The following NSD1 variants were observed in gnomAD, a reference collection of about 807,000 sequenced individuals.
NSD1 encodes histone-lysine N-methyltransferase, H3 lysine-36 specific.
NSD1 carries 26 observed loss-of-function variants against 242.7 expected under a neutral mutation model. That is an observed-to-expected ratio of 0.11 (90% confidence interval 0.08 to 0.15). NSD1 has a LOEUF of 0.15. Among genes scored for constraint, NSD1 ranks in the 10% least tolerant of loss-of-function variants. NSD1 has a pLI of 1.00. For synonymous variants in NSD1, 1,106 were observed against 1,178.1 expected (o/e 0.94, Z 1.25); for missense variants, 2,495 against 3,272.8 (o/e 0.76, Z 5.80).
rs999436181 is a variant in NSD1 at position 177,299,964 on chromosome 5, G to C, written c.*4505G>C. 4.3e-6 allele frequency: 1 copy of C among 232,820 alleles called. No individual in the cohort carries two copies. Among genetic ancestry groups the C allele is most frequent in the East Asian group, 6.0e-5 (1 of 16,544 alleles). The allele number at this position is 232,820 out of a possible 1,614,324, so 14.4% of individuals were successfully genotyped here. Reference sequence around the variant, plus strand: ...ATGGCAGAGCCGCCTCCTAGGTCTTGGCAAAGAGGCAAGCTGACGATAGAC... The same window carrying C: ...ATGGCAGAGCCGCCTCCTAGGTCTTCGCAAAGAGGCAAGCTGACGATAGAC... On this transcript the variant is annotated 3_prime_UTR_variant, in exon 23 of 23. Coordinates refer to ENST00000439151, the MANE Select transcript of NSD1 (RefSeq NM_022455.5).
In NSD1 at chr5:177,210,508, C is replaced by T. The variant is rs530303475; in HGVS notation, c.2109C>T (p.Leu703=). ...GGGTAAAAGCAAAACAGAAGCCTCT[C>T]ATTAGTAACTCACATACAGACCACT... ...NTRVKAKQKP[L]ISNSHTDHLM... is the part of the protein sequence containing the mutation. Residue 703 remains leucine (L), a synonymous_variant, in exon 5 of 23, where the codon CTC becomes CTT. Transcript: ENST00000439151. 2 of 1,614,180 alleles carry T rather than the reference C, an allele frequency of 1.2e-6. No homozygotes were observed. The highest frequency in any genetic ancestry group is 1.7e-6 in the Non-Finnish European group (2 of 1,180,026).
At chr5:177,292,654 C>A (rs905123292) in intron 22 of NSD1, among the ~76,000 whole-genome samples, 2 of 152,230 alleles carry the variant, frequency 1.3e-5, no homozygotes, top group African/African-American at 4.8e-5. Flanking sequence ...TGCTCCCCTA[C>A]GCCTAGTGCA....
At position 177,300,057 on chromosome 5, in the gene NSD1, G is replaced by GCCCCCCCCC. The variant is rs60995782; in HGVS notation, c.*4603_*4611dup. 1.2e-4 allele frequency: 15 copies of GCCCCCCCCC among 129,928 alleles called. No individual in the cohort carries two copies. The highest frequency in any genetic ancestry group is 1.6e-4 in the Non-Finnish European group (11 of 70,616). 8.0% of individuals were successfully genotyped at this position (129,928 alleles called of 1,614,324 possible). On this transcript the variant is annotated 3_prime_UTR_variant, in exon 23 of 23. Transcript: ENST00000439151. ...AGGTCCATCATTGCTTTTTTGCCGC[G>GCCCCCCCCC]CCCCCCCCCCCCCGCCCCCATAGAT... is the stretch of plus-strand genomic sequence containing the variant.
At position 177,257,093 on chromosome 5, in the gene NSD1, C is replaced by G; in HGVS notation, c.4908C>G (p.Ser1636=). The change falls in exon 13 of 23, where the codon TCC becomes TCG. Residue 1636 remains serine (S), a synonymous_variant. Coordinates refer to ENST00000439151, the MANE Select transcript of NSD1 (RefSeq NM_022455.5). ...TGCAGAACAAGGGCTTCCGGTGCTC[C>G]CTCCACATCTGTATAACCTGTCATG... is the stretch of plus-strand genomic sequence containing the variant. ...TVMQNKGFRC[S]LHICITCHAA... is the part of the protein sequence containing the mutation. The G allele has an allele frequency of 6.2e-7, 1 of 1,614,096 alleles. No individual in the cohort carries two copies. Among genetic ancestry groups the G allele is most frequent in the Non-Finnish European group, 8.5e-7 (1 of 1,179,996 alleles).
At chr5:177,278,885 A>G (rs1758614063) in intron 17 of NSD1, among the ~76,000 whole-genome samples, 1 of 152,130 alleles carries the variant, frequency 6.6e-6, no homozygotes, top group Admixed American at 6.6e-5. Flanking sequence ...TGGAACATCT[A>G]TTGTCTTTCC....
In NSD1 at chr5:177,238,070, C is replaced by G. The variant is rs951536501; in HGVS notation, c.3922-167C>G. 4.0e-5 allele frequency among the ~76,000 whole-genome samples: 6 copies of G among 151,478 alleles called. No individual in the cohort carries two copies. The highest frequency in any genetic ancestry group is 8.9e-5 in the Non-Finnish European group (6 of 67,788). On this transcript the variant is annotated intron_variant, in intron 6 of 22. Coordinates refer to ENST00000439151, the MANE Select transcript of NSD1 (RefSeq NM_022455.5). This position sits in a 1 kb window ranked among gnomAD's most constrained non-coding sequence, Gnocchi z 4.6. ...TACTTGAAATCATACGATATTTGTT[C>G]TTTGTGTCTTAAGTAATTTCCCTTA...
intron 17 of NSD1, among the ~76,000 whole-genome samples, chr5:177,276,811 G>A (rs1758424316): frequency 6.6e-6 from 1 of 151,992 alleles, no homozygotes; most frequent in South Asian, 2.1e-4. Context: ...TCCATACCAA[G>A]ATTAGATTAA....
intron 2 of NSD1, among the ~76,000 whole-genome samples, chr5:177,147,069 C>T (rs1021034093): frequency 2.6e-5 from 4 of 151,868 alleles, no homozygotes; most frequent in Admixed American, 6.6e-5. Context: ...TGTTGCCAGC[C>T]GTTTTAAAAC....
At chr5:177,162,764 T>C (rs1349593954) in intron 2 of NSD1, among the ~76,000 whole-genome samples, 1 of 152,170 alleles carries the variant, frequency 6.6e-6, no homozygotes, top group Non-Finnish European at 1.5e-5. Flanking sequence ...CACTGCCTCC[T>C]GGGCTCAAGC....
At chr5:177,202,316 G>A (rs1397145462) in intron 3 of NSD1, among the ~76,000 whole-genome samples, 1 of 152,094 alleles carries the variant, frequency 6.6e-6, no homozygotes, top group Non-Finnish European at 1.5e-5. Flanking sequence ...CTGTCAGACA[G>A]TGAGTTCTTT....
chr5:177,274,495 C>G (rs891980933), intron 17 of NSD1, among the ~76,000 whole-genome samples: 8 of 152,220 alleles, frequency 5.3e-5, no homozygotes, highest in African/African-American at 1.9e-4. Context: ...TTTACTAAAT[C>G]CTTTTTACAA....
intron 2 of NSD1, among the ~76,000 whole-genome samples, chr5:177,146,641 A>G (rs1757269897): frequency 1.3e-5 from 2 of 152,012 alleles, no homozygotes; most frequent in African/African-American, 4.8e-5. Context: ...GTAGTCTTTC[A>G]TTGTGTGTAT....
chr5:177,148,230 T>C (rs1757416262), intron 2 of NSD1, among the ~76,000 whole-genome samples: 2 of 149,446 alleles, frequency 1.3e-5, no homozygotes, highest in African/African-American at 5.0e-5. Flanking sequence ...CGATTGTCCT[T>C]TCTCAGCCTC....
intron 2 of NSD1, among the ~76,000 whole-genome samples, chr5:177,145,156 T>C (rs1356815881): frequency 3.3e-5 from 5 of 151,986 alleles, no homozygotes; most frequent in Non-Finnish European, 2.9e-5. Flanking sequence ...AGTTTTCATA[T>C]ACTCCCTCAT....
chr5:177,132,805 T>G (rs1305460807), upstream of NSD1, among the ~76,000 whole-genome samples: 23 of 27,812 alleles, frequency 8.3e-4, no homozygotes, highest in South Asian at 4.6e-3. This position sits in a 1 kb window ranked among gnomAD's most constrained non-coding sequence, Gnocchi z 7.5. Flanking sequence ...GGGAGAGGGA[T>G]GGGGGGAGGG....
intron 9 of NSD1, among the ~76,000 whole-genome samples, chr5:177,244,585 C>T (rs1463606935): frequency 1.3e-5 from 2 of 152,182 alleles, no homozygotes; most frequent in African/African-American, 4.8e-5. Flanking sequence ...GGAACTAAAT[C>T]CACACCTGAC....
chr5:177,161,051 A>G (rs1174317185), intron 2 of NSD1, among the ~76,000 whole-genome samples: 1 of 152,004 alleles, frequency 6.6e-6, no homozygotes, highest in African/African-American at 2.4e-5. Flanking sequence ...TTACAGGAGT[A>G]ATTTTATTCT....
chr5:177,147,547 G>A (rs1420559522), intron 2 of NSD1, among the ~76,000 whole-genome samples: 2 of 151,974 alleles, frequency 1.3e-5, no homozygotes, highest in Non-Finnish European at 2.9e-5. Context: ...ATAATTTCCA[G>A]GGGATTCATC....
chr5:177,139,029 C>A (rs1170544995), intron 2 of NSD1, among the ~76,000 whole-genome samples: 1 of 150,546 alleles, frequency 6.6e-6, no homozygotes, highest in Non-Finnish European at 1.5e-5. Flanking sequence ...GCGGGTGGAT[C>A]ACCTGAGATG....
Sources: allele counts gnomAD v4.1 joint callset (sites outside exome capture counted in the v4.1 genomes callset), GRCh38; gene constraint gnomAD v4.1.1; non-coding constraint Gnocchi (gnomAD v3.1); transcripts MANE v1.5; gene names NCBI Gene and HGNC (gene_info 2026-07-23, HGNC 2026-07-21).